The following KIAA1217 variants were observed in gnomAD, a reference collection of about 807,000 sequenced individuals.
KIAA1217 encodes the protein KIAA1217.
In KIAA1217, 88 loss-of-function variants were observed where a neutral mutation model predicts 163.9. The ratio of observed to expected loss-of-function variants is 0.54; its 90% CI spans 0.45 to 0.64. KIAA1217 has a LOEUF of 0.64. Among genes scored for constraint, KIAA1217 ranks in the 30% least tolerant of loss-of-function variants. The probability of loss-of-function intolerance (pLI) is 0.00; values close to 1 mark genes in which losing one functional copy is unlikely to be tolerated. For missense variants in KIAA1217, 2,372 were observed against 2,475.0 expected (o/e 0.96, Z 0.88); for synonymous variants, 903 against 923.1 (o/e 0.98, Z 0.39).
intron 1 of KIAA1217, among the ~76,000 whole-genome samples, chr10:23,727,083 G>C (rs7915631): frequency 0.22 from 32,552 of 148,314 alleles, 3,775 homozygotes; most frequent in Middle Eastern, 0.29. Flanking sequence ...TGCCTCCCAG[G>C]TTCACGCCAT....
At chr10:24,085,549 G>C (rs895859287) in intron 2 of KIAA1217, among the ~76,000 whole-genome samples, 1 of 152,084 alleles carries the variant, frequency 6.6e-6, no homozygotes, top group Non-Finnish European at 1.5e-5. Context: ...TACTGTGTCT[G>C]CCCTGCTACT....
At chr10:24,206,759 C>T (rs1186970073), upstream of KIAA1217, among the ~76,000 whole-genome samples, 2 of 152,184 alleles carry the variant, frequency 1.3e-5, no homozygotes, top group African/African-American at 4.8e-5. Flanking sequence ...TTCTGTTGTG[C>T]ATATCACAGA....
intron 6 of KIAA1217, chr10:24,482,720 C>T (rs1344965783): frequency 1.3e-5 from 2 of 152,192 alleles, no homozygotes; most frequent in East Asian, 3.9e-4. Context: ...AATCACAGAT[C>T]TTAAAAAGTC....
intron 1 of KIAA1217, among the ~76,000 whole-genome samples, chr10:23,849,088 T>C (rs542806865): frequency 5.3e-5 from 8 of 152,206 alleles, no homozygotes; most frequent in East Asian, 1.9e-4. Flanking sequence ...AATAAGACAA[T>C]ATGGAGCTAA....
intron 2 of KIAA1217, among the ~76,000 whole-genome samples, chr10:24,174,763 G>T (rs1589773303): frequency 6.6e-6 from 1 of 152,010 alleles, no homozygotes; most frequent in East Asian, 1.9e-4. Flanking sequence ...GGTGGTCTTT[G>T]GTTACATGAA....
At chr10:24,454,149 G>A (rs1002107007) in intron 5 of KIAA1217, among the ~76,000 whole-genome samples, 4 of 152,142 alleles carry the variant, frequency 2.6e-5, no homozygotes, top group Admixed American at 6.5e-5. Flanking sequence ...TTCTCAAGAC[G>A]ATCAGCATCG....
intron 1 of KIAA1217, among the ~76,000 whole-genome samples, chr10:23,848,553 C>G (rs980648828): frequency 1.3e-5 from 2 of 152,016 alleles, no homozygotes; most frequent in African/African-American, 4.8e-5. Flanking sequence ...GAGTCTCCTG[C>G]AACACACATA....
At chr10:24,166,874 T>G (rs2131900660) in intron 2 of KIAA1217, among the ~76,000 whole-genome samples, 1 of 152,342 alleles carries the variant, frequency 6.6e-6, no homozygotes, top group African/African-American at 2.4e-5. Flanking sequence ...TATAAAACTA[T>G]GTACAGCTAT....
At chr10:24,438,715 TA>T in intron 5 of KIAA1217, among the ~76,000 whole-genome samples, 1 of 152,226 alleles carries the variant, frequency 6.6e-6, no homozygotes, top group East Asian at 1.9e-4. Flanking sequence ...AGCAAGGAGT[TA>T]TGTCCTTACT....
intron 9 of KIAA1217, among the ~76,000 whole-genome samples, chr10:24,510,977 A>G (rs1013174184): frequency 2.0e-5 from 3 of 152,012 alleles, no homozygotes; most frequent in African/African-American, 7.3e-5. Flanking sequence ...TATGCCAGAC[A>G]CAGTGTACCA....
intron 1 of KIAA1217, among the ~76,000 whole-genome samples, chr10:23,960,556 T>C (rs929951852): frequency 2.0e-5 from 3 of 152,218 alleles, no homozygotes; most frequent in African/African-American, 2.4e-5. Flanking sequence ...CACGCCTGGC[T>C]ACGTTTTCAT....
chr10:24,521,039 A>G (rs2071168346), intron 11 of KIAA1217, among the ~76,000 whole-genome samples: 1 of 149,038 alleles, frequency 6.7e-6, no homozygotes, highest in East Asian at 1.9e-4. Flanking sequence ...AAAAAAAAAA[A>G]AAGTTTTTTT....
chr10:23,810,523 CTATA>C, intron 1 of KIAA1217, among the ~76,000 whole-genome samples: 1 of 128,682 alleles, frequency 7.8e-6, no homozygotes, highest in Admixed American at 8.4e-5. Context: ...TATAGATAAT[CTATA>C]TATAGTATAT....
chr10:24,501,102 C>T (rs2067524933), intron 8 of KIAA1217, among the ~76,000 whole-genome samples: 1 of 147,970 alleles, frequency 6.8e-6, no homozygotes, highest in Non-Finnish European at 1.5e-5. Flanking sequence ...AAAAAATAAA[C>T]AAAATTGATC....
At chr10:23,847,830 T>C (rs867473105) in intron 1 of KIAA1217, among the ~76,000 whole-genome samples, 1 of 152,198 alleles carries the variant, frequency 6.6e-6, no homozygotes, top group African/African-American at 2.4e-5. Flanking sequence ...TTTAGATCTT[T>C]CCTGCTTTCT....
chr10:23,923,758 G>A (rs956879945), intron 1 of KIAA1217, among the ~76,000 whole-genome samples: 2 of 152,156 alleles, frequency 1.3e-5, no homozygotes, highest in Admixed American at 6.5e-5. Context: ...GACTTCAGAC[G>A]TCTGACCTCC....
chr10:23,926,072 C>G (rs1843007437), intron 1 of KIAA1217, among the ~76,000 whole-genome samples: 1 of 152,118 alleles, frequency 6.6e-6, no homozygotes, highest in South Asian at 2.1e-4. Flanking sequence ...GAGACTGCAC[C>G]TGGCAAAGCA....
chr10:24,055,453 C>T (rs1229338823), intron 2 of KIAA1217, among the ~76,000 whole-genome samples: 5 of 152,106 alleles, frequency 3.3e-5, no homozygotes, highest in Non-Finnish European at 7.4e-5. Flanking sequence ...TCACACATTG[C>T]TAAGGGGACC....
chr10:23,892,014 A>T (rs1343257674), intron 1 of KIAA1217, among the ~76,000 whole-genome samples: 1 of 151,938 alleles, frequency 6.6e-6, no homozygotes, highest in African/African-American at 2.4e-5. Context: ...GTTTTTCTCT[A>T]AAATTTATAA....
Sources: gnomAD v4.1 joint callset for allele counts (sites outside exome capture counted in the v4.1 genomes callset) on GRCh38, gnomAD v4.1.1 for gene constraint, MANE v1.5 for transcripts, NCBI Gene and HGNC (gene_info 2026-07-23, HGNC 2026-07-21) for gene names.